REEP1: variants seen among roughly 807,000 people sequenced by gnomAD.
The protein encoded by REEP1 is receptor expression-enhancing protein 1.
REEP1 carries 22 observed loss-of-function variants against 40.3 expected under a neutral mutation model. The ratio of observed to expected loss-of-function variants is 0.55; its 90% confidence interval spans 0.39 to 0.78. The LOEUF is 0.78. Ranked by LOEUF, REEP1 falls within the 30% of genes least tolerant of loss-of-function variation. REEP1 has a pLI of 0.00. For synonymous variants in REEP1, 116 were observed against 139.2 expected (o/e 0.83, Z 1.17); for missense variants, 280 against 361.1 (o/e 0.78, Z 1.82).
intron 1 of REEP1, among the ~76,000 whole-genome samples, chr2:86,286,037 C>T (rs750247042): frequency 6.6e-6 from 1 of 152,094 alleles, no homozygotes; most frequent in African/African-American, 2.4e-5. Flanking sequence ...CTCTTCCCCC[C>T]ACTGTCATTA....
intron 1 of REEP1, among the ~76,000 whole-genome samples, chr2:86,286,640 G>A (rs528607749): frequency 6.5e-4 from 99 of 152,268 alleles, no homozygotes; most frequent in African/African-American, 2.2e-3. Flanking sequence ...GACCACATAC[G>A]TAGCCTGCTG....
At chr2:86,249,252 T>G (rs1277835348) in intron 5 of REEP1, among the ~76,000 whole-genome samples, 1 of 141,184 alleles carries the variant, frequency 7.1e-6, no homozygotes, top group East Asian at 2.0e-4. Flanking sequence ...AGAGCAAGAC[T>G]ACATCTCAAA....
chr2:86,269,051 A>T (rs951312063), intron 2 of REEP1, among the ~76,000 whole-genome samples: 8 of 152,220 alleles, frequency 5.3e-5, no homozygotes, highest in African/African-American at 1.4e-4. Context: ...ACAACATATA[A>T]GAAAATCTAA....
At chr2:86,298,817 C>T (rs537676983) in intron 1 of REEP1, among the ~76,000 whole-genome samples, 5 of 152,312 alleles carry the variant, frequency 3.3e-5, no homozygotes, top group South Asian at 2.1e-4. Flanking sequence ...AAAAGGGGAT[C>T]GCTTTTTGCT....
intron 2 of REEP1, among the ~76,000 whole-genome samples, chr2:86,277,911 G>A (rs1161413042): frequency 1.3e-5 from 2 of 152,190 alleles, no homozygotes; most frequent in Admixed American, 6.5e-5. Flanking sequence ...CCACAGAGGT[G>A]CAAATAAATT....
At chr2:86,221,596 C>G (rs1398263113) in intron 7 of REEP1, among the ~76,000 whole-genome samples, 2 of 152,096 alleles carry the variant, frequency 1.3e-5, no homozygotes, top group Non-Finnish European at 2.9e-5. Context: ...GGCTGTGCCA[C>G]ACAGCTTGTG....
At chr2:86,304,625 C>T (rs11127026) in intron 1 of REEP1, among the ~76,000 whole-genome samples, 51,958 of 152,094 alleles carry the variant, frequency 0.34, 9,827 homozygotes, top group Middle Eastern at 0.44. Flanking sequence ...CATCTCCCTG[C>T]TCCAGCTTAC....
At chr2:86,239,191 A>G (rs1675530842) in intron 5 of REEP1, among the ~76,000 whole-genome samples, 1 of 132,608 alleles carries the variant, frequency 7.5e-6, no homozygotes, top group Non-Finnish European at 1.6e-5. Flanking sequence ...CATGATGCTG[A>G]CCAATGCCAT....
chr2:86,304,056 A>C (rs1308482527), intron 1 of REEP1, among the ~76,000 whole-genome samples: 1 of 152,172 alleles, frequency 6.6e-6, no homozygotes, highest in Non-Finnish European at 1.5e-5. Context: ...GATTGAATGA[A>C]TGTACGAGTG....
Position 86,255,095 on chromosome 2 carries a change from C to G in REEP1, c.183-281G>C, listed in dbSNP as rs1460937280. The stretch of plus-strand genomic sequence containing the variant: ...CCAGCAATCACCCCCGTGGCCCTGC[C>G]TGGCACAGGCTGGAGCTTCCTGCTG... On this transcript the variant is annotated intron_variant, in intron 3 of 8. Transcript: ENST00000538924. 1.1e-4 allele frequency: 41 copies of G among 360,550 alleles called. No homozygotes were observed. In the Admixed American group the frequency reaches 1.7e-3, roughly 15 times the overall value. 22.3% of individuals were successfully genotyped at this position (360,550 alleles called of 1,614,324 possible).
chr2:86,255,760 G>A (rs914792037), intron 3 of REEP1, among the ~76,000 whole-genome samples: 5 of 152,160 alleles, frequency 3.3e-5, no homozygotes, highest in Non-Finnish European at 4.4e-5. Flanking sequence ...AAGTGCCATA[G>A]TGCTAGCCCA....
chr2:86,238,903 G>C (rs1675509217), intron 5 of REEP1, among the ~76,000 whole-genome samples: 1 of 152,014 alleles, frequency 6.6e-6, no homozygotes, highest in African/African-American at 2.4e-5. Context: ...TAAGGGGATG[G>C]GGGTCCACTT....
At chr2:86,296,669 C>T (rs899284551) in intron 1 of REEP1, among the ~76,000 whole-genome samples, 2 of 152,066 alleles carry the variant, frequency 1.3e-5, no homozygotes, top group Non-Finnish European at 2.9e-5. Context: ...CCAGCCTGGC[C>T]AATGTGGCAA....
chr2:86,337,459 CG>C lies in REEP1; in HGVS notation c.32+19del. The C allele has an allele frequency of 2.4e-6, 3 of 1,247,616 alleles. No individual in the cohort carries two copies. Among genetic ancestry groups the C allele is most frequent in the Non-Finnish European group, 1.0e-6 (1 of 991,130 alleles). The allele number at this position is 1,247,616 out of a possible 1,614,324, so 77.3% of individuals were successfully genotyped here. ...CGGGGAGGGAGGGGACGGAGGGGCG[CG>C]GGGGAGAAGGCCACTTACACCACCA... On this transcript the variant is annotated intron_variant, in intron 1 of 8. Transcript: ENST00000538924. This position sits in a 1 kb window ranked among gnomAD's most constrained non-coding sequence, Gnocchi z 5.8.
Position 86,337,407 on chromosome 2 carries a change from G to C in REEP1, c.32+72C>G, listed in dbSNP as rs1299265120. Reference sequence around the variant, plus strand: ...CGAGCCACTGGGACCGGGCGCTGTAGGGGCGCGCGCAGCCCGGGGCCGGGG... The same window carrying C: ...CGAGCCACTGGGACCGGGCGCTGTACGGGCGCGCGCAGCCCGGGGCCGGGG... On this transcript the variant is annotated intron_variant, in intron 1 of 8. Transcript: ENST00000538924. The surrounding 1 kb of genome is among the most constrained non-coding windows in gnomAD (Gnocchi z 5.8). 3.3e-5 allele frequency: 36 copies of C among 1,079,224 alleles called. No individual in the cohort carries two copies. The highest frequency in any genetic ancestry group is 4.1e-5 in the Non-Finnish European group (35 of 855,522). 66.9% of individuals were successfully genotyped at this position (1,079,224 alleles called of 1,614,324 possible).
chr2:86,280,031 A>G (rs868267789), intron 2 of REEP1: 54 of 456,202 alleles, frequency 1.2e-4, no homozygotes, highest in African/African-American at 1.0e-3. Context: ...CTGGTTTGGA[A>G]GATTATTCAG....
chr2:86,274,944 C>CTG (rs1437857651), intron 2 of REEP1, among the ~76,000 whole-genome samples: 13 of 152,262 alleles, frequency 8.5e-5, no homozygotes, highest in African/African-American at 2.6e-4. Context: ...TCCATTCTAC[C>CTG]CCACTGCCAG....
chr2:86,267,344 A>G (rs1361278560), intron 2 of REEP1, among the ~76,000 whole-genome samples: 2 of 152,082 alleles, frequency 1.3e-5, no homozygotes, highest in African/African-American at 4.8e-5. Context: ...CTGTCCTGCC[A>G]CCTTGTGAAG....
intron 8 of REEP1, among the ~76,000 whole-genome samples, chr2:86,217,966 G>A (rs977827958): frequency 6.6e-6 from 1 of 151,906 alleles, no homozygotes; most frequent in African/African-American, 2.4e-5. Flanking sequence ...GCACTTGAGG[G>A]GGTTCACACA....
Sources: allele counts gnomAD v4.1 joint callset (sites outside exome capture counted in the v4.1 genomes callset), GRCh38; gene constraint gnomAD v4.1.1; non-coding constraint Gnocchi (gnomAD v3.1); transcripts MANE v1.5; gene names NCBI Gene and HGNC (gene_info 2026-07-23, HGNC 2026-07-21).